RANBP2: variants seen among roughly 807,000 people sequenced by gnomAD.
RANBP2 encodes RAN binding protein 2, also known as E3 SUMO-protein ligase RanBP2.
RANBP2 carries 57 observed loss-of-function variants against 303.6 expected under a neutral mutation model. The observed-to-expected ratio is 0.19, with a 90% CI of 0.15 to 0.23. RANBP2 has a LOEUF of 0.23. RANBP2 is among the 10% of genes least tolerant of loss of function. The pLI, the probability that RANBP2 is intolerant of heterozygous loss-of-function variation, is 1.00. For missense variants in RANBP2, 3,138 were observed against 3,780.8 expected (o/e 0.83, Z 4.46); for synonymous variants, 1,167 against 1,301.5 (o/e 0.90, Z 2.23).
chr2:109,483,897 G>C, the RANBP2 span, among the ~76,000 whole-genome samples: 2 of 152,102 alleles, frequency 1.3e-5, no homozygotes, highest in South Asian at 4.2e-4. Flanking sequence ...CACCTCTGCA[G>C]CCAGGGCCAC....
chr2:109,475,269 G>T, the RANBP2 span, among the ~76,000 whole-genome samples: 1 of 152,196 alleles, frequency 6.6e-6, no homozygotes, highest in Non-Finnish European at 1.5e-5. Flanking sequence ...GAGCCACCAC[G>T]CCCGGCTTCA....
chr2:109,080,486 G>A, the RANBP2 span, among the ~76,000 whole-genome samples: 3 of 152,178 alleles, frequency 2.0e-5, no homozygotes, highest in Non-Finnish European at 4.4e-5. Context: ...TGGAGAGTGG[G>A]AACCAGGTTG....
At chr2:109,012,923 C>T in the RANBP2 span, among the ~76,000 whole-genome samples, 1 of 151,986 alleles carries the variant, frequency 6.6e-6, no homozygotes, top group Non-Finnish European at 1.5e-5. Context: ...CAGAAAACAA[C>T]AACAACAAAA....
At chr2:108,883,128 A>T in the RANBP2 span, 3 of 152,182 alleles carry the variant, frequency 2.0e-5, no homozygotes, top group Non-Finnish European at 4.4e-5. Flanking sequence ...AAGCCTTTAG[A>T]TATGTGTAGA....
At chr2:109,030,843 C>T in the RANBP2 span, among the ~76,000 whole-genome samples, 4 of 152,182 alleles carry the variant, frequency 2.6e-5, no homozygotes, top group Non-Finnish European at 5.9e-5. Context: ...CTGCCTCGGC[C>T]TCCAGAGTAG....
chr2:109,658,563 T>C, the RANBP2 span, among the ~76,000 whole-genome samples: 1 of 152,222 alleles, frequency 6.6e-6, no homozygotes. Context: ...GGAAAGGATC[T>C]TATTAAAACC....
the RANBP2 span, among the ~76,000 whole-genome samples, chr2:109,532,973 C>G: frequency 1.3e-5 from 2 of 152,234 alleles, no homozygotes; most frequent in East Asian, 1.9e-4. Flanking sequence ...ATGCTTGGCC[C>G]TGGGATACAG....
At chr2:109,373,054 T>C in the RANBP2 span, among the ~76,000 whole-genome samples, 1 of 152,210 alleles carries the variant, frequency 6.6e-6, no homozygotes, top group Non-Finnish European at 1.5e-5. Context: ...CCAGTGGTTC[T>C]CGCACATTTA....
the RANBP2 span, among the ~76,000 whole-genome samples, chr2:109,358,380 G>A: frequency 6.6e-6 from 1 of 152,180 alleles, no homozygotes; most frequent in East Asian, 1.9e-4. Flanking sequence ...GTTTTTGTGT[G>A]GACATAAGCT....
At chr2:109,078,717 G>T in the RANBP2 span, among the ~76,000 whole-genome samples, 103 of 146,360 alleles carry the variant, frequency 7.0e-4, 2 homozygotes, top group Non-Finnish European at 1.4e-3. Flanking sequence ...GCGCGTTGGT[G>T]CGCGCCTGTA....
the RANBP2 span, among the ~76,000 whole-genome samples, chr2:109,656,961 A>G: frequency 1.3e-5 from 2 of 152,206 alleles, no homozygotes; most frequent in Non-Finnish European, 2.9e-5. Flanking sequence ...AAAAATGCAG[A>G]TGGTAAAAAT....
At chr2:109,031,762 C>G in the RANBP2 span, among the ~76,000 whole-genome samples, 1 of 152,188 alleles carries the variant, frequency 6.6e-6, no homozygotes, top group African/African-American at 2.4e-5. Flanking sequence ...CGCCTACCTC[C>G]GGGCCACAGG....
chr2:109,425,864 C>T, the RANBP2 span, among the ~76,000 whole-genome samples: 1 of 152,102 alleles, frequency 6.6e-6, no homozygotes, highest in African/African-American at 2.4e-5. Context: ...GTCAAGTGTT[C>T]TTATTTTAAA....
the RANBP2 span, among the ~76,000 whole-genome samples, chr2:109,064,823 G>C: frequency 9.2e-5 from 14 of 152,146 alleles, no homozygotes; most frequent in African/African-American, 3.4e-4. Context: ...GCTCTGTATT[G>C]ATCCAGTCCT....
At chr2:109,338,810 G>A in the RANBP2 span, among the ~76,000 whole-genome samples, 2 of 152,182 alleles carry the variant, frequency 1.3e-5, no homozygotes, top group East Asian at 1.9e-4. Flanking sequence ...CACCCGCCTC[G>A]GCCTCCCAAA....
the RANBP2 span, among the ~76,000 whole-genome samples, chr2:108,813,248 CAAA>C: frequency 2.0e-4 from 13 of 63,564 alleles, no homozygotes; most frequent in African/African-American, 8.1e-4. Context: ...GACTCCGTCT[CAAA>C]AAAAAAAAAA....
At chr2:108,879,038 A>C in the RANBP2 span, among the ~76,000 whole-genome samples, 3 of 16,838 alleles carry the variant, frequency 1.8e-4, no homozygotes, top group Non-Finnish European at 1.6e-3. Flanking sequence ...TCATGTTCTA[A>C]ATAAATTTGA....
At chr2:109,213,146 T>G in the RANBP2 span, among the ~76,000 whole-genome samples, 2 of 152,200 alleles carry the variant, frequency 1.3e-5, no homozygotes, top group Non-Finnish European at 2.9e-5. Context: ...CACCCAGTTT[T>G]TAAACTGGGT....
the RANBP2 span, among the ~76,000 whole-genome samples, chr2:109,356,865 GC>G: frequency 6.6e-6 from 1 of 151,992 alleles, no homozygotes; most frequent in African/African-American, 2.4e-5. Flanking sequence ...CATGATCACG[GC>G]CCCCACAGCG....
Sources: allele counts gnomAD v4.1 joint callset (sites outside exome capture counted in the v4.1 genomes callset), GRCh38; gene constraint gnomAD v4.1.1; transcripts MANE v1.5; gene names NCBI Gene and HGNC (gene_info 2026-07-23, HGNC 2026-07-21).